The following GAS2 variants were observed in gnomAD, a reference collection of about 807,000 sequenced individuals.
The protein encoded by GAS2 is growth arrest specific 2.
Under a neutral mutation model 37.5 loss-of-function variants are expected in GAS2, and 20 were observed. The ratio of observed to expected loss-of-function variants is 0.53; its 90% confidence interval spans 0.37 to 0.77. The LOEUF (loss-of-function observed/expected upper bound fraction) is 0.77. GAS2 is among the 30% of genes least tolerant of loss of function. The pLI, the probability that GAS2 is intolerant of heterozygous loss-of-function variation, is 0.00. For synonymous variants in GAS2, 144 were observed against 132.2 expected (o/e 1.09, Z -0.61); for missense variants, 336 against 373.4 (o/e 0.90, Z 0.82).
At chr11:22,757,166 C>T (rs1854091125) in intron 7 of GAS2, among the ~76,000 whole-genome samples, 1 of 151,914 alleles carries the variant, frequency 6.6e-6, no homozygotes, top group African/African-American at 2.4e-5. Flanking sequence ...TATACTTCTC[C>T]CTGCAATGTA....
chr11:22,721,053 C>G (rs1851923740), intron 3 of GAS2, among the ~76,000 whole-genome samples: 1 of 151,980 alleles, frequency 6.6e-6, no homozygotes. Flanking sequence ...TTGAACTGTG[C>G]ATAAGCTCAG....
At chr11:22,810,445 C>G (rs1230177306) in intron 7 of GAS2, among the ~76,000 whole-genome samples, 26 of 152,070 alleles carry the variant, frequency 1.7e-4, no homozygotes, top group Non-Finnish European at 5.9e-5. Flanking sequence ...GGGTCAATTT[C>G]TATATTTATT....
rs1848797652 is a variant in GAS2 at position 22,652,694 on chromosome 11, T to C, written c.-20-22156T>C. Among the ~76,000 whole-genome samples, 5 of 152,294 alleles carry C rather than the reference T, an allele frequency of 3.3e-5. No homozygotes were observed. In the South Asian group the frequency reaches 1.0e-3, roughly 32 times the overall value. ...GAGTGACCCGATTTTCCAGGTGCCG[T>C]CTGTCACCCCTTTCTTTGACTAGGA... On this transcript the variant is annotated intron_variant, in intron 1 of 5. Coordinates refer to the GAS2 transcript ENST00000528582.
rs531266859 is a variant in GAS2 at position 22,718,786 on chromosome 11, T to G, written c.268-7506T>G. On this transcript the variant is annotated intron_variant, in intron 3 of 7. Transcript: ENST00000454584. ...CTTAATTTTAAAGTGTAGAACTAGA[T>G]TTTTGGAGGTTTTAAGAAATTAATC... Among the ~76,000 whole-genome samples the G allele has an allele frequency of 7.2e-5, 11 of 152,188 alleles. 1 individual carries two copies. In the South Asian group the frequency reaches 1.2e-3, roughly 17 times the overall value.
chr11:22,701,082 AAT>A (rs1208974825), intron 3 of GAS2, among the ~76,000 whole-genome samples: 1 of 152,180 alleles, frequency 6.6e-6, no homozygotes, highest in Non-Finnish European at 1.5e-5. Flanking sequence ...CCAATGTAAA[AAT>A]ACAATTTCTA....
intron 7 of GAS2, among the ~76,000 whole-genome samples, chr11:22,803,722 T>C (rs761964187): frequency 2.0e-5 from 3 of 152,132 alleles, no homozygotes; most frequent in Non-Finnish European, 4.4e-5. Context: ...ATGATAACAG[T>C]ATTGACCCTG....
chr11:22,696,214 T>G (rs967757467), intron 3 of GAS2, among the ~76,000 whole-genome samples: 33 of 151,462 alleles, frequency 2.2e-4, no homozygotes, highest in Non-Finnish European at 4.3e-4. Flanking sequence ...GTCCTTGCGA[T>G]AGTTTACTGA....
chr11:22,696,464 G>A (rs1246200060), intron 3 of GAS2, among the ~76,000 whole-genome samples: 8 of 152,008 alleles, frequency 5.3e-5, no homozygotes, highest in African/African-American at 1.5e-4. Flanking sequence ...ACCCAGTAAT[G>A]AGATGGCTGG....
chr11:22,706,584 G>A (rs1029943765), intron 3 of GAS2, among the ~76,000 whole-genome samples: 11 of 151,940 alleles, frequency 7.2e-5, no homozygotes, highest in Non-Finnish European at 1.3e-4. Flanking sequence ...AATATGCGGT[G>A]TTTGGTTTTT....
intron 3 of GAS2, among the ~76,000 whole-genome samples, chr11:22,705,361 T>A (rs1851061319): frequency 1.4e-5 from 2 of 146,012 alleles, no homozygotes; most frequent in South Asian, 4.4e-4. Flanking sequence ...ATGTCCCTGC[T>A]CAAATGTCAT....
At chr11:22,752,518 A>G (rs929828246) in intron 6 of GAS2, among the ~76,000 whole-genome samples, 11 of 152,138 alleles carry the variant, frequency 7.2e-5, no homozygotes, top group Admixed American at 5.9e-4. Context: ...GGGGTTGAAA[A>G]TGATGTACTC....
intron 3 of GAS2, among the ~76,000 whole-genome samples, chr11:22,719,037 T>C (rs1219625172): frequency 6.6e-6 from 1 of 152,156 alleles, no homozygotes; most frequent in Non-Finnish European, 1.5e-5. Context: ...TAAAGCTTTG[T>C]TAAGGTATAA....
chr11:22,768,454 A>T (rs1166344839), intron 7 of GAS2, among the ~76,000 whole-genome samples: 2 of 152,126 alleles, frequency 1.3e-5, no homozygotes, highest in Admixed American at 6.6e-5. Flanking sequence ...CCAACTTCTA[A>T]TCTCCCAGCA....
intron 2 of GAS2, among the ~76,000 whole-genome samples, chr11:22,679,711 A>C (rs778530161): frequency 3.3e-5 from 5 of 152,070 alleles, no homozygotes; most frequent in Non-Finnish European, 7.4e-5. Context: ...ATTACATGAG[A>C]GCATATTTTA....
At position 22,737,742 on chromosome 11, in the gene GAS2, G is replaced by A. The variant is rs1380467344; in HGVS notation, c.447G>A (p.Leu149=). The change falls in exon 5 of 8, where the codon CTG becomes CTA. Residue 149 remains leucine (L), a synonymous_variant. Transcript: ENST00000454584. ...AACCCAGAGAAGTGTGTCTCTGTCT[G>A]CTAGAGCTTGGCCGGATTGCAGCCA... ...HKQPREVCLC[L]LELGRIAARY... The A allele has an allele frequency of 6.2e-7, 1 of 1,614,134 alleles. No individual in the cohort carries two copies. Among genetic ancestry groups the A allele is most frequent in the Non-Finnish European group, 8.5e-7 (1 of 1,179,982 alleles).
intron 7 of GAS2, among the ~76,000 whole-genome samples, chr11:22,764,098 T>A (rs1030327516): frequency 2.0e-5 from 3 of 152,204 alleles, no homozygotes; most frequent in Non-Finnish European, 2.9e-5. Flanking sequence ...TTTAGATAAA[T>A]GCAATATAAG....
rs1564889813 is a variant in GAS2, at chr11:22,789,422, T to TATATAAATATATATATATAAATATA, written c.724-22376_724-22375insATATAAATATATATATATAAATATA. Among the ~76,000 whole-genome samples the TATATAAATATATATATATAAATATA allele has an allele frequency of 1.5e-3, 66 of 42,838 alleles. 1 individual carries two copies. The highest frequency in any genetic ancestry group is 7.0e-3 in the African/African-American group (58 of 8,308). The allele number at this position is 42,838 out of a possible 152,430, so 28.1% of individuals were successfully genotyped here. ...TGTGTGTATGTGTGTGTATCTCATA[T>TATATAAATATATATATATAAATATA]GAGATATATATATATATATATATAT... On this transcript the variant is annotated intron_variant, in intron 7 of 7. Coordinates refer to ENST00000454584, the MANE Select transcript of GAS2 (RefSeq NM_001143830.3).
upstream of GAS2, among the ~76,000 whole-genome samples, chr11:22,662,949 G>A (rs1848931385): frequency 6.6e-6 from 1 of 152,134 alleles, no homozygotes; most frequent in South Asian, 2.1e-4. Flanking sequence ...TTTTCACTGT[G>A]CTATAAAGAA....
intron 3 of GAS2, among the ~76,000 whole-genome samples, chr11:22,710,044 G>A (rs1034864727): frequency 1.3e-5 from 2 of 151,706 alleles, no homozygotes; most frequent in Non-Finnish European, 2.9e-5. Context: ...GATAGCATTA[G>A]GAGATATACC....
Sources: allele counts gnomAD v4.1 joint callset (sites outside exome capture counted in the v4.1 genomes callset), GRCh38; gene constraint gnomAD v4.1.1; transcripts MANE v1.5; gene names NCBI Gene and HGNC (gene_info 2026-07-23, HGNC 2026-07-21).